The following MYCBP2 variants were observed in gnomAD, a reference collection of about 807,000 sequenced individuals.
MYCBP2 encodes E3 ubiquitin-protein ligase MYCBP2.
In MYCBP2, 120 loss-of-function variants were observed where a neutral mutation model predicts 525.3. The ratio of observed to expected loss-of-function variants is 0.23; its 90% CI spans 0.20 to 0.27. The LOEUF is 0.27. Among genes scored for constraint, MYCBP2 ranks in the 10% least tolerant of loss-of-function variants. The pLI is 1.00. For synonymous variants in MYCBP2, 1,894 were observed against 1,955.8 expected (o/e 0.97, Z 0.83); for missense variants, 4,149 against 5,657.1 (o/e 0.73, Z 8.55).
intron 15 of MYCBP2, among the ~76,000 whole-genome samples, chr13:77,244,642 A>C (rs1455766965): frequency 6.6e-6 from 1 of 152,268 alleles, no homozygotes; most frequent in East Asian, 1.9e-4. Context: ...AAGCAATGGC[A>C]ACAAAAGCCA....
chr13:77,297,541 G>A (rs962607041), intron 1 of MYCBP2, among the ~76,000 whole-genome samples: 3 of 152,114 alleles, frequency 2.0e-5, no homozygotes, highest in East Asian at 3.9e-4. Flanking sequence ...CTTAAGATTT[G>A]GTAACTAATT....
At chr13:77,285,110 T>A (rs762185986) in intron 3 of MYCBP2, among the ~76,000 whole-genome samples, 18 of 152,238 alleles carry the variant, frequency 1.2e-4, no homozygotes, top group Admixed American at 4.6e-4. Flanking sequence ...ATGCCTGATA[T>A]TTCATTTAAT....
At chr13:77,291,109 A>G (rs1237101852) in intron 2 of MYCBP2, among the ~76,000 whole-genome samples, 1 of 152,228 alleles carries the variant, frequency 6.6e-6, no homozygotes, top group Non-Finnish European at 1.5e-5. Flanking sequence ...CAAGCCACAG[A>G]ACAGGAGAAA....
In MYCBP2 at chr13:77,068,712, G is replaced by A. The variant is rs1372164959; in HGVS notation, c.12024C>T (p.Ser4008=). ...ANSQPNDEDA[S]SDAYCFELLS... The stretch of plus-strand genomic sequence containing the variant: ...GCAGCTCAAAGCAGTAGGCATCAGA[G>A]GAGGCATCTTCATCATTTGGCTGAG... Residue 4008 remains serine, a synonymous_variant, in exon 70 of 83, where the codon TCC becomes TCT. Coordinates refer to ENST00000544440, the MANE Select transcript of MYCBP2 (RefSeq NM_015057.5). The A allele has an allele frequency of 6.2e-6, 10 of 1,614,076 alleles. No homozygotes were observed. The highest frequency in any genetic ancestry group is 8.5e-6 in the Non-Finnish European group (10 of 1,180,038).
chr13:77,122,684 C>T (rs1248956569), intron 54 of MYCBP2, among the ~76,000 whole-genome samples: 7 of 122,084 alleles, frequency 5.7e-5, no homozygotes, highest in Admixed American at 8.7e-5. Context: ...AGCGAGACTC[C>T]ATCTCAAAAA....
intron 45 of MYCBP2, 48 bp from the exon 46 acceptor site, chr13:77,156,250 C>A: frequency 6.6e-7 from 1 of 1,515,112 alleles, no homozygotes; most frequent in Admixed American, 2.0e-5. Context: ...CACTGATCAG[C>A]ATCTTCAACA....
At position 77,045,499 on chromosome 13, in the gene MYCBP2, T is replaced by A. The variant is rs2035363703; in HGVS notation, c.13922-6A>T. On this transcript the variant is annotated splice_polypyrimidine_tract_variant and splice_region_variant and intron_variant, in intron 82 of 82. Transcript: ENST00000544440. ...TAACTGCTTGCCTTTGGGACCTGTATAAATTTGAAGGAGGCAAAGGAAAAT... is the reference window on the plus strand; with the variant it reads ...TAACTGCTTGCCTTTGGGACCTGTAAAAATTTGAAGGAGGCAAAGGAAAAT... The A allele has an allele frequency of 6.3e-7, 1 of 1,598,814 alleles. No homozygotes were observed. Among genetic ancestry groups the A allele is most frequent in the Non-Finnish European group, 8.6e-7 (1 of 1,167,106 alleles).
rs997694520 is a variant in MYCBP2, at chr13:77,243,732, GAA to G, written c.2527+72_2527+73del. ...CTAATTTATTAACATATATCTAAAA[GAA>G]ATTGTTTAAACTGTCAGACTTACTG... On this transcript the variant is annotated intron_variant, in intron 16 of 82. Coordinates refer to ENST00000544440, the MANE Select transcript of MYCBP2 (RefSeq NM_015057.5). 1.5e-5 allele frequency: 20 copies of G among 1,308,846 alleles called. No individual in the cohort carries two copies. The African/African-American group carries it at 2.7e-4, about 18-fold the overall frequency. 81.1% of individuals were successfully genotyped at this position (1,308,846 alleles called of 1,614,324 possible).
intron 26 of MYCBP2, among the ~76,000 whole-genome samples, chr13:77,196,545 T>C (rs1354776480): frequency 6.6e-6 from 1 of 152,166 alleles, no homozygotes; most frequent in Non-Finnish European, 1.5e-5. Flanking sequence ...AGTGGTTAGA[T>C]ACGGGATTTA....
intron 46 of MYCBP2, among the ~76,000 whole-genome samples, chr13:77,153,885 T>C (rs1204403344): frequency 5.3e-5 from 8 of 152,224 alleles, no homozygotes; most frequent in East Asian, 1.9e-4. Context: ...AACCAGGAAA[T>C]TGACATTGGT....
At chr13:77,312,706 G>A (rs557815468) in intron 1 of MYCBP2, among the ~76,000 whole-genome samples, 2 of 152,008 alleles carry the variant, frequency 1.3e-5, no homozygotes, top group Non-Finnish European at 1.5e-5. Flanking sequence ...AAGAGAAACA[G>A]AAGACAATAA....
At position 77,066,070 on chromosome 13, in the gene MYCBP2, T is replaced by G. The variant is rs1182577018; in HGVS notation, c.12474A>C (p.Glu4158Asp). Reference protein sequence around the residue: ...IFNSSYLRRGESHWWMKGSTP... With the variant: ...IFNSSYLRRGDSHWWMKGSTP... ...TTGAGCCCTTCATCCACCAATGACT[T>G]TCACCTCGTCGGAGATAACTACAAG... The change falls in exon 72 of 83, where the codon GAA (glutamate) becomes GAC (aspartate). Residue 4158 changes from glutamate (E) to aspartate (D), a missense_variant. Physicochemically the swap from Glu to Asp is conservative, Grantham distance 45. Around this residue, in one of 21 missense-constraint regions of MYCBP2, gnomAD observed 148 missense variants for 179.4 expected, o/e 0.82. Coordinates refer to ENST00000544440, the MANE Select transcript of MYCBP2 (RefSeq NM_015057.5). The G allele has an allele frequency of 6.2e-7, 1 of 1,612,236 alleles. No homozygotes were observed. Among genetic ancestry groups the G allele is most frequent in the Non-Finnish European group, 8.5e-7 (1 of 1,178,904 alleles).
At chr13:77,122,113 T>C (rs1482449860) in intron 54 of MYCBP2, among the ~76,000 whole-genome samples, 1 of 151,862 alleles carries the variant, frequency 6.6e-6, no homozygotes, top group Non-Finnish European at 1.5e-5. Context: ...AAATGGCAAA[T>C]GTTTTATCCA....
At chr13:77,230,678 A>G (rs2067004543) in intron 18 of MYCBP2, among the ~76,000 whole-genome samples, 2 of 152,240 alleles carry the variant, frequency 1.3e-5, no homozygotes, top group Admixed American at 6.5e-5. Context: ...CTGCACTATC[A>G]GAAAGCAAAG....
At chr13:77,077,633 G>A in intron 66 of MYCBP2, 1 of 391,760 alleles carries the variant, frequency 2.6e-6, no homozygotes, top group Admixed American at 4.2e-5. Flanking sequence ...GTAAATGGTG[G>A]AATTGAGAAT....
At chr13:77,124,876 G>T (rs1454515582) in intron 54 of MYCBP2, among the ~76,000 whole-genome samples, 3 of 152,042 alleles carry the variant, frequency 2.0e-5, no homozygotes, top group Non-Finnish European at 4.4e-5. Flanking sequence ...ATTTAAAGTT[G>T]AAAATCTAAC....
At chr13:77,255,111 T>G (rs577549359) in intron 14 of MYCBP2, among the ~76,000 whole-genome samples, 4 of 151,972 alleles carry the variant, frequency 2.6e-5, no homozygotes, top group Non-Finnish European at 5.9e-5. Flanking sequence ...TTGATACATA[T>G]ACCCAGAAGT....
At position 77,098,332 on chromosome 13, in the gene MYCBP2, A is replaced by G. The variant is rs1396663385; in HGVS notation, c.8822T>C (p.Leu2941Ser). ...EVVEVCTSST[L>S]KTNSLTDSTC... ...GCTGTCTGTTAGACTATTTGTTTTT[A>G]AAGTACTTGAGGTGCAGACTTCGAC... is the stretch of plus-strand genomic sequence containing the variant. Residue 2941 changes from leucine to serine, a missense_variant, in exon 56 of 83, where the codon TTA becomes TCA. Coordinates refer to ENST00000544440, the MANE Select transcript of MYCBP2 (RefSeq NM_015057.5). 4.3e-6 allele frequency: 7 copies of G among 1,611,754 alleles called. No homozygotes were observed. Among genetic ancestry groups the G allele is most frequent in the Non-Finnish European group, 5.9e-6 (7 of 1,179,736 alleles).
intron 2 of MYCBP2, among the ~76,000 whole-genome samples, chr13:77,294,611 T>G (rs1451807056): frequency 6.6e-6 from 1 of 151,994 alleles, no homozygotes; most frequent in East Asian, 1.9e-4. Flanking sequence ...AATGAAACCT[T>G]AAAAAAACTT....
Sources: allele counts gnomAD v4.1 joint callset (sites outside exome capture counted in the v4.1 genomes callset), GRCh38; gene constraint gnomAD v4.1.1; regional missense constraint gnomAD v4.1.1; transcripts MANE v1.5; gene names NCBI Gene and HGNC (gene_info 2026-07-23, HGNC 2026-07-21).